LRRC66: variants seen among roughly 807,000 people sequenced by gnomAD.
LRRC66 encodes leucine-rich repeat-containing protein 66.
Under a neutral mutation model 24.6 loss-of-function variants are expected in LRRC66, and 29 were observed. The ratio of observed to expected loss-of-function variants is 1.18; its 90% CI spans 0.88 to 1.61. LRRC66 has a LOEUF of 1.61. LRRC66 is among the 40% of genes most tolerant of loss of function. LRRC66 has a pLI of 0.00. For missense variants in LRRC66, 1,124 were observed against 1,058.0 expected, an observed-to-expected ratio of 1.06 and a Z score of -0.87; for synonymous variants, 411 against 397.6, an observed-to-expected ratio of 1.03 and a Z score of -0.40.
intron 3 of LRRC66, among the ~76,000 whole-genome samples, chr4:51,999,923 T>C (rs1448903859): frequency 1.3e-5 from 2 of 152,186 alleles, no homozygotes; most frequent in Admixed American, 6.5e-5. Flanking sequence ...GTGAAACTTA[T>C]TTCATCCCAT....
At chr4:52,003,459 G>T in intron 2 of LRRC66, 67 bp from the exon 3 acceptor site, 1 of 1,388,984 alleles carries the variant, frequency 7.2e-7, no homozygotes, top group Non-Finnish European at 1.0e-6. Context: ...GTTTGTAATG[G>T]TGAAAAATTG....
Position 52,008,454 on chromosome 4 carries a change from G to GT in LRRC66, c.497-5063dup, listed in dbSNP as rs539733171. Among the ~76,000 whole-genome samples the GT allele has an allele frequency of 1.7e-3, 250 of 144,426 alleles. 1 individual carries two copies. Among genetic ancestry groups the GT allele is most frequent in the East Asian group, 4.8e-3 (24 of 4,964 alleles). The allele number at this position is 144,426 out of a possible 152,430, so 94.7% of individuals were successfully genotyped here. A position where few individuals can be genotyped will look rare whatever the true frequency, so the allele number is the denominator to read the frequency against. On this transcript the variant is annotated intron_variant, in intron 2 of 4. Transcript: ENST00000682860. ...GGTGTAGTTGCACACGGGGAAAGCT[G>GT]TTTTTTTTTTTAAGATTAAAAGAAG...
Position 52,017,144 on chromosome 4 carries a change from C to A in LRRC66, c.470G>T (p.Arg157Ile). ...CTTGGGAGTGTCACTGAGTTTATTT[C>A]TTTGAAGAATGAGCACCTTCAGCAA... ...FPLLKVLILQRNKLSDTPKGL... is the reference protein window; with the variant it reads ...FPLLKVLILQINKLSDTPKGL... Residue 157 changes from arginine to isoleucine, a missense_variant, in exon 2 of 5, where the codon AGA becomes ATA. Coordinates refer to ENST00000682860, the MANE Select transcript of LRRC66 (RefSeq NM_001024611.3). 1 of 1,613,672 alleles carries A rather than the reference C, an allele frequency of 6.2e-7. No homozygotes were observed. The highest frequency in any genetic ancestry group is 8.5e-7 in the Non-Finnish European group (1 of 1,179,852).
At chr4:52,004,387 TG>T (rs1393218192) in intron 2 of LRRC66, among the ~76,000 whole-genome samples, 3 of 152,236 alleles carry the variant, frequency 2.0e-5, no homozygotes, top group Non-Finnish European at 4.4e-5. Context: ...GGCATTCTTG[TG>T]TTTTCCAAAG....
intron 1 of LRRC66, 37 bp from the exon 2 acceptor site, chr4:52,017,655 A>C: frequency 6.8e-7 from 1 of 1,478,606 alleles, no homozygotes; most frequent in Non-Finnish European, 8.9e-7. Context: ...ATTCACAATA[A>C]TATATAAAAA....
intron 2 of LRRC66, among the ~76,000 whole-genome samples, chr4:52,010,568 G>A (rs1007509619): frequency 6.6e-6 from 1 of 152,088 alleles, no homozygotes; most frequent in Non-Finnish European, 1.5e-5. Flanking sequence ...ACTTATAAGC[G>A]AGAATATATT....
Position 51,994,455 on chromosome 4 carries a change from G to T in LRRC66, c.2567C>A (p.Pro856Gln). The change falls in exon 5 of 5, where the codon CCA (proline) becomes CAA (glutamine). Residue 856 changes from proline (P) to glutamine (Q), a missense_variant. Pro to Gln is a moderately conservative substitution (Grantham distance 76). Coordinates refer to ENST00000682860, the MANE Select transcript of LRRC66 (RefSeq NM_001024611.3). ...FSNVDVLQQTPPCSAEVPSDP... is the reference protein window; with the variant it reads ...FSNVDVLQQTQPCSAEVPSDP... ...TGAGGGAACTTCAGCAGAACATGGT[G>T]GTGTTTGCTGTAAAACGTCCACATT... The T allele has an allele frequency of 6.2e-7, 1 of 1,614,240 alleles. No homozygotes were observed. Among genetic ancestry groups the T allele is most frequent in the Non-Finnish European group, 8.5e-7 (1 of 1,180,026 alleles).
In LRRC66 at chr4:51,997,770, A is replaced by T; in HGVS notation, c.834T>A (p.Asn278Lys). The T allele has an allele frequency of 1.2e-6, 2 of 1,614,024 alleles. No homozygotes were observed. The highest frequency in any genetic ancestry group is 1.7e-6 in the Non-Finnish European group (2 of 1,179,922). Residue 278 changes from asparagine (N) to lysine (K), a missense_variant, in exon 4 of 5, where the codon AAT (asparagine) becomes AAA (lysine). By Grantham distance (94) the Asn-to-Lys change is moderately conservative. Coordinates refer to ENST00000682860, the MANE Select transcript of LRRC66 (RefSeq NM_001024611.3). ...TACCTATAGACCTGTTGCAAATGAC[A>T]TTCCACTTTTTCCTCCAGGATTCAG... ...FISESWRKKW[N>K]VICNRSIGSE...
intron 1 of LRRC66, 101 bp from the exon 2 acceptor site, chr4:52,017,719 T>C (rs1419881024): frequency 7.2e-7 from 1 of 1,388,980 alleles, no homozygotes; most frequent in African/African-American, 1.5e-5. Flanking sequence ...CGGAAAGTTA[T>C]CTTGTCTTGG....
chr4:52,017,768 A>T, intron 1 of LRRC66, 150 bp from the exon 2 acceptor site: 1 of 1,366,260 alleles, frequency 7.3e-7, no homozygotes. Flanking sequence ...TTACTGGGGC[A>T]TGAAAATGTA....
chr4:52,005,928 C>T (rs1736572485), intron 2 of LRRC66, among the ~76,000 whole-genome samples: 1 of 152,182 alleles, frequency 6.6e-6, no homozygotes, highest in Non-Finnish European at 1.5e-5. Flanking sequence ...TGCATAGAAG[C>T]ATATTCCTAC....
At chr4:51,999,834 T>C (rs937917649) in intron 3 of LRRC66, among the ~76,000 whole-genome samples, 1 of 152,178 alleles carries the variant, frequency 6.6e-6, no homozygotes, top group African/African-American at 2.4e-5. Context: ...GAGAAGCATA[T>C]GTAATATTGC....
intron 2 of LRRC66, among the ~76,000 whole-genome samples, chr4:52,007,645 T>G (rs768445304): frequency 5.9e-5 from 9 of 152,244 alleles, no homozygotes; most frequent in Non-Finnish European, 1.3e-4. Context: ...TCCATTAGTT[T>G]GGATGATTGT....
At position 52,017,239 on chromosome 4, in the gene LRRC66, TGA is replaced by T; in HGVS notation, c.373_374del (p.Ser125IlefsTer7). 6.2e-7 allele frequency: 1 copy of T among 1,614,122 alleles called. No individual in the cohort carries two copies. Among genetic ancestry groups the T allele is most frequent in the African/African-American group, 1.3e-5 (1 of 75,034 alleles). On this transcript the variant is annotated frameshift_variant, in exon 2 of 5. Coordinates refer to ENST00000682860, the MANE Select transcript of LRRC66 (RefSeq NM_001024611.3). LOFTEE classifies it high-confidence loss of function. The stretch of plus-strand genomic sequence containing the variant: ...AGGACTTAGGACTGAGTAGATCCAA[TGA>T]GAGGGAGTGGATGGCATTGTTGCTG... ...NLSNNAIHSL[S>X]LDLLSPKSSW...
At position 51,994,604 on chromosome 4, in the gene LRRC66, G is replaced by A. The variant is rs149465543; in HGVS notation, c.2418C>T (p.Pro806=). ...TDRSEGLSPW[P]RSPGNSPLGD... is the part of the protein sequence containing the mutation. Reference sequence around the variant, plus strand: ...CTAAGGGACTATTCCCTGGTGACCTGGGCCAGGGTGACAGGCCCTCAGATC... The same window carrying A: ...CTAAGGGACTATTCCCTGGTGACCTAGGCCAGGGTGACAGGCCCTCAGATC... Residue 806 remains proline (P), a synonymous_variant, in exon 5 of 5, where the codon CCC becomes CCT. Transcript: ENST00000682860. 1.2e-4 allele frequency: 191 copies of A among 1,614,168 alleles called. 1 individual carries two copies. The East Asian group carries it at 3.9e-3, about 33-fold the overall frequency.
intron 2 of LRRC66, among the ~76,000 whole-genome samples, chr4:52,007,871 T>C (rs1336213139): frequency 6.6e-6 from 1 of 152,204 alleles, no homozygotes; most frequent in East Asian, 1.9e-4. Context: ...ATGAGGGCCT[T>C]GTGGAACAGA....
intron 2 of LRRC66, among the ~76,000 whole-genome samples, chr4:52,011,237 A>G (rs1016692993): frequency 6.6e-6 from 1 of 152,236 alleles, no homozygotes; most frequent in Non-Finnish European, 1.5e-5. Context: ...GAATTGGAAT[A>G]GAGTCTAGAA....
Position 52,018,822 on chromosome 4 carries a change from C to T in LRRC66, c.-5-1204G>A, listed in dbSNP as rs538483552. Among the ~76,000 whole-genome samples the T allele has an allele frequency of 1.2e-3, 181 of 152,272 alleles. 2 individuals carry two copies. In the Middle Eastern group the frequency reaches 0.014, roughly 11 times the overall value. On this transcript the variant is annotated intron_variant, in intron 1 of 4. Coordinates refer to ENST00000682860, the MANE Select transcript of LRRC66 (RefSeq NM_001024611.3). The stretch of plus-strand genomic sequence containing the variant: ...TCTGCAAAGAATGATCTATGCATAT[C>T]GCATACTGAAATTCACTTTCAGTTC...
rs755248045 is a variant in LRRC66, at chr4:51,995,180, C to T, written c.1842G>A (p.Trp614Ter). ...KERGGTEQSL[W>*]DSQMEFSKER... Reference sequence around the variant, plus strand: ...CCTTAGAAAATTCCATCTGCGAGTCCCAAAGTGACTGTTCAGTGCCCCCTC... The same window carrying T: ...CCTTAGAAAATTCCATCTGCGAGTCTCAAAGTGACTGTTCAGTGCCCCCTC... The change falls in exon 5 of 5, where the codon TGG becomes TGA. Residue 614 changes from tryptophan (W) to a stop codon, truncating the protein, a stop_gained. Coordinates refer to ENST00000682860, the MANE Select transcript of LRRC66 (RefSeq NM_001024611.3). LOFTEE classifies it low-confidence loss of function (END_TRUNC). The T allele has an allele frequency of 6.8e-6, 11 of 1,614,204 alleles. No homozygotes were observed. The highest frequency in any genetic ancestry group is 9.3e-6 in the Non-Finnish European group (11 of 1,180,034).
Sources: allele counts gnomAD v4.1 joint callset (sites outside exome capture counted in the v4.1 genomes callset), GRCh38; gene constraint gnomAD v4.1.1; transcripts MANE v1.5; gene names NCBI Gene and HGNC (gene_info 2026-07-23, HGNC 2026-07-21).